The following FGF14 variants were observed in gnomAD, a reference collection of about 807,000 sequenced individuals.
The protein encoded by FGF14 is fibroblast growth factor homologous factor 4.
Under a neutral mutation model 25.5 loss-of-function variants are expected in FGF14, and 5 were observed. The ratio of observed to expected loss-of-function variants is 0.20; its 90% CI spans 0.10 to 0.41. The LOEUF is 0.41. FGF14 is among the 10% of genes least tolerant of loss of function. The pLI is 1.00. For missense variants in FGF14, 222 were observed against 320.1 expected (o/e 0.69, Z 2.34); for synonymous variants, 138 against 118.3 (o/e 1.17, Z -1.08).
At chr13:102,119,549 G>T (rs1198389605) in intron 1 of FGF14, among the ~76,000 whole-genome samples, 1 of 152,170 alleles carries the variant, frequency 6.6e-6, no homozygotes, top group Non-Finnish European at 1.5e-5. Context: ...TATGTCAGTG[G>T]AAGTCCTTAT....
intron 1 of FGF14, among the ~76,000 whole-genome samples, chr13:102,149,043 G>C (rs979859191): frequency 1.3e-5 from 2 of 152,018 alleles, no homozygotes; most frequent in Non-Finnish European, 2.9e-5. Context: ...CTTTTTATTA[G>C]TAATAGCCCA....
At chr13:101,997,160 GT>G (rs1197453095) in intron 1 of FGF14, among the ~76,000 whole-genome samples, 2 of 152,190 alleles carry the variant, frequency 1.3e-5, no homozygotes, top group Non-Finnish European at 2.9e-5. Flanking sequence ...TGCATTTATT[GT>G]TTATTGTCTG....
At chr13:101,967,893 G>C (rs991031758) in intron 1 of FGF14, 3 of 152,584 alleles carry the variant, frequency 2.0e-5, no homozygotes, top group Admixed American at 2.0e-4. Flanking sequence ...ACACTCCCAG[G>C]ATAAAATGGG....
chr13:101,815,997 C>G (rs1054784131), intron 3 of FGF14, among the ~76,000 whole-genome samples: 1 of 123,798 alleles, frequency 8.1e-6, no homozygotes, highest in Non-Finnish European at 1.8e-5. Context: ...CTTGGCCGGG[C>G]GCGGTGGCTC....
intron 1 of FGF14, among the ~76,000 whole-genome samples, chr13:102,269,717 G>A (rs971650388): frequency 6.6e-6 from 1 of 152,040 alleles, no homozygotes; most frequent in Non-Finnish European, 1.5e-5. Context: ...AACACAAGTT[G>A]ATGGAAGTCA....
intron 1 of FGF14, chr13:102,002,235 A>G (rs1005075384): frequency 6.6e-6 from 1 of 152,220 alleles, no homozygotes; most frequent in African/African-American, 2.4e-5. Flanking sequence ...GGCTTATTTC[A>G]CAGTTAATTT....
chr13:102,072,850 G>C lies in FGF14; in HGVS notation c.209-197554C>G, dbSNP rs184748830. Among the ~76,000 whole-genome samples the C allele has an allele frequency of 1.5e-4, 23 of 152,328 alleles. No individual in the cohort carries two copies. The East Asian group carries it at 4.2e-3, about 28-fold the overall frequency. On this transcript the variant is annotated intron_variant, in intron 1 of 4. Transcript: ENST00000376131. ...AAATCAAATGTCTTACTGGAGGAGG[G>C]CTAGTAATATAAATGTGTAAATTGG...
chr13:102,189,016 ATGAAAGAAGAAAAGAAAGAAAG>A (rs2049008500), intron 1 of FGF14, among the ~76,000 whole-genome samples: 1 of 69,342 alleles, frequency 1.4e-5, no homozygotes, highest in Admixed American at 1.5e-4. Flanking sequence ...AAGAGAAAGA[ATGAAAGAAGAAAAGAAAGAAAG>A]AAAGAGAAAG....
At chr13:102,274,435 G>A (rs2053406215) in intron 1 of FGF14, among the ~76,000 whole-genome samples, 2 of 152,128 alleles carry the variant, frequency 1.3e-5, no homozygotes, top group South Asian at 4.2e-4. Flanking sequence ...TTATTTATTT[G>A]TCCCCTACCC....
At chr13:102,241,452 A>G (rs2051595720) in intron 1 of FGF14, among the ~76,000 whole-genome samples, 1 of 152,096 alleles carries the variant, frequency 6.6e-6, no homozygotes, top group Admixed American at 6.6e-5. Context: ...TTCTTTCCCC[A>G]TCGTAAAAAG....
chr13:102,264,706 G>A (rs991725922), intron 1 of FGF14, among the ~76,000 whole-genome samples: 1 of 152,130 alleles, frequency 6.6e-6, no homozygotes. Flanking sequence ...AGTCAAAAAG[G>A]GCAAGAGGGG....
At chr13:102,274,780 T>C (rs1001526672) in intron 1 of FGF14, among the ~76,000 whole-genome samples, 1 of 152,038 alleles carries the variant, frequency 6.6e-6, no homozygotes, top group Admixed American at 6.6e-5. Context: ...ATTCTGGTTA[T>C]GTCTGACTTG....
intron 1 of FGF14, among the ~76,000 whole-genome samples, chr13:101,930,590 T>C (rs1382003417): frequency 6.6e-6 from 1 of 152,214 alleles, no homozygotes; most frequent in African/African-American, 2.4e-5. Flanking sequence ...TTCCATCAAC[T>C]TTCCTTGGCT....
chr13:101,890,190 C>T (rs1028096006), intron 1 of FGF14, among the ~76,000 whole-genome samples: 1 of 152,142 alleles, frequency 6.6e-6, no homozygotes, highest in Non-Finnish European at 1.5e-5. Flanking sequence ...GGCTTCAGTA[C>T]TAGATAGGAA....
intron 1 of FGF14, among the ~76,000 whole-genome samples, chr13:102,329,841 C>T (rs953595226): frequency 6.6e-6 from 1 of 152,082 alleles, no homozygotes; most frequent in African/African-American, 2.4e-5. Flanking sequence ...CCTTACGCAC[C>T]CCCACCTTAT....
intron 3 of FGF14, among the ~76,000 whole-genome samples, chr13:101,751,117 G>T (rs1013105870): frequency 2.0e-5 from 3 of 152,006 alleles, no homozygotes; most frequent in Non-Finnish European, 4.4e-5. Flanking sequence ...TTACTATAAT[G>T]GTAGATACAT....
At chr13:102,056,106 A>G (rs1158263858) in intron 1 of FGF14, among the ~76,000 whole-genome samples, 5 of 152,216 alleles carry the variant, frequency 3.3e-5, no homozygotes, top group Non-Finnish European at 7.3e-5. Flanking sequence ...GACACAGACA[A>G]ATCACATCGG....
At chr13:101,997,200 C>T (rs1217147363) in intron 1 of FGF14, among the ~76,000 whole-genome samples, 2 of 151,226 alleles carry the variant, frequency 1.3e-5, no homozygotes, top group Non-Finnish European at 2.9e-5. Flanking sequence ...CAAAATGTTC[C>T]ATGACAGCAG....
chr13:101,788,708 A>G (rs187212745), intron 3 of FGF14, among the ~76,000 whole-genome samples: 1 of 151,420 alleles, frequency 6.6e-6, no homozygotes, highest in African/African-American at 2.4e-5. Context: ...GCAATTCTCT[A>G]GTTTGTGTTT....
Sources: allele counts gnomAD v4.1 joint callset (sites outside exome capture counted in the v4.1 genomes callset), GRCh38; gene constraint gnomAD v4.1.1; transcripts MANE v1.5; gene names NCBI Gene and HGNC (gene_info 2026-07-23, HGNC 2026-07-21).